The following DPP10 variants were observed in gnomAD, a reference collection of about 807,000 sequenced individuals.
DPP10 encodes inactive dipeptidyl peptidase 10.
A neutral mutation model predicts 120.9 loss-of-function variants in DPP10; 33 were observed. The observed-to-expected ratio is 0.27, with a 90% confidence interval of 0.21 to 0.37. DPP10 has a LOEUF of 0.37. Among genes scored for constraint, DPP10 ranks in the 10% least tolerant of loss-of-function variants. The pLI, the probability that DPP10 is intolerant of heterozygous loss-of-function variation, is 1.00. For synonymous variants in DPP10, 337 were observed against 326.1 expected, an observed-to-expected ratio of 1.03 and a Z score of -0.36; for missense variants, 816 against 942.8, an observed-to-expected ratio of 0.87 and a Z score of 1.76.
intron 1 of DPP10, among the ~76,000 whole-genome samples, chr2:115,303,789 A>G (rs995292426): frequency 2.0e-5 from 3 of 151,828 alleles, no homozygotes; most frequent in Non-Finnish European, 2.9e-5. Context: ...ACCTTAACAC[A>G]CTCCAGTACA....
chr2:115,689,658 G>C, intron 5 of DPP10, 29 bp from the exon 6 acceptor site: 1 of 1,351,736 alleles, frequency 7.4e-7, no homozygotes, highest in Admixed American at 2.2e-5. Flanking sequence ...ATAAAGCTAT[G>C]ATCAATAATG....
intron 1 of DPP10, among the ~76,000 whole-genome samples, chr2:115,262,257 T>G (rs1353219170): frequency 5.9e-5 from 9 of 152,152 alleles, no homozygotes; most frequent in Non-Finnish European, 1.3e-4. Flanking sequence ...CTGAGAAATT[T>G]GGTGTAACAC....
intron 1 of DPP10, among the ~76,000 whole-genome samples, chr2:115,024,325 G>A (rs866080687): frequency 6.6e-6 from 1 of 151,762 alleles, no homozygotes; most frequent in Non-Finnish European, 1.5e-5. Context: ...ATATTGATAC[G>A]GTTGCTGTTT....
chr2:115,777,146 G>T, intron 13 of DPP10, 62 bp from the exon 14 acceptor site: 2 of 1,458,478 alleles, frequency 1.4e-6, no homozygotes, highest in Non-Finnish European at 9.6e-7. Flanking sequence ...TGGTACATTC[G>T]TGTTTACCAG....
At chr2:115,565,633 C>A (rs2149067923) in intron 5 of DPP10, among the ~76,000 whole-genome samples, 1 of 151,962 alleles carries the variant, frequency 6.6e-6, no homozygotes, top group East Asian at 1.9e-4. Flanking sequence ...TAGAATATTT[C>A]CATAATCTTT....
At chr2:115,459,209 T>C (rs1558692263) in intron 3 of DPP10, among the ~76,000 whole-genome samples, 1 of 151,672 alleles carries the variant, frequency 6.6e-6, no homozygotes, top group Non-Finnish European at 1.5e-5. Context: ...CAGGCTGGAG[T>C]GCAGTGGCAC....
chr2:115,384,636 A>AAAGAAGGAAGAAG (rs747863548), intron 3 of DPP10, among the ~76,000 whole-genome samples: 3 of 150,190 alleles, frequency 2.0e-5, no homozygotes, highest in Admixed American at 6.6e-5. Flanking sequence ...GAGGAAGAAG[A>AAAGAAGGAAGAAG]AAGAAGGAAG....
At chr2:114,819,378 T>C (rs1444868738) in intron 1 of DPP10, among the ~76,000 whole-genome samples, 1 of 152,164 alleles carries the variant, frequency 6.6e-6, no homozygotes, top group Non-Finnish European at 1.5e-5. Flanking sequence ...TTCTCATCTC[T>C]AAAATGAGGG....
chr2:115,637,765 C>G (rs2086465391), intron 5 of DPP10, among the ~76,000 whole-genome samples: 1 of 152,132 alleles, frequency 6.6e-6, no homozygotes, highest in Admixed American at 6.6e-5. Flanking sequence ...TGGGGGGAAG[C>G]CTACACACAG....
intron 1 of DPP10, among the ~76,000 whole-genome samples, chr2:114,499,401 G>A (rs1423540153): frequency 6.6e-6 from 1 of 152,150 alleles, no homozygotes; most frequent in Non-Finnish European, 1.5e-5. Context: ...ACGTCAGTTG[G>A]CCTCTTTGAA....
intron 5 of DPP10, among the ~76,000 whole-genome samples, chr2:115,663,012 A>G (rs903002837): frequency 3.3e-5 from 5 of 151,510 alleles, no homozygotes; most frequent in African/African-American, 1.2e-4. Flanking sequence ...TTTTTTTACA[A>G]TTTTTGTGGG....
intron 3 of DPP10, among the ~76,000 whole-genome samples, chr2:115,484,118 A>AT (rs1259112126): frequency 2.1e-3 from 191 of 91,598 alleles, no homozygotes; most frequent in African/African-American, 5.7e-3. Context: ...TCACAGACTC[A>AT]TTTTTTTTTG....
intron 1 of DPP10, among the ~76,000 whole-genome samples, chr2:114,733,366 G>A (rs1677105969): frequency 6.6e-6 from 1 of 152,082 alleles, no homozygotes; most frequent in Non-Finnish European, 1.5e-5. Context: ...ATCTTTGGCT[G>A]GGAATGGTGG....
intron 3 of DPP10, among the ~76,000 whole-genome samples, chr2:115,358,070 G>A (rs1021984138): frequency 1.6e-4 from 25 of 152,056 alleles, no homozygotes; most frequent in Non-Finnish European, 2.9e-5. Flanking sequence ...ACATGCCCTG[G>A]AGACATTTTT....
In DPP10 at chr2:114,521,609, A is replaced by G. The variant is rs1225386569; in HGVS notation, c.60+78771A>G. ...GTTAAAATAACATCTCCTGAAATCA[A>G]CTAAAACCAGAATCTTAATGTTAAA... On this transcript the variant is annotated intron_variant, in intron 1 of 25. Transcript: ENST00000410059. 2.6e-5 allele frequency among the ~76,000 whole-genome samples: 4 copies of G among 152,238 alleles called. No homozygotes were observed. In the East Asian group the frequency reaches 7.7e-4, roughly 29 times the overall value.
At chr2:115,628,866 G>A (rs1228067954) in intron 5 of DPP10, among the ~76,000 whole-genome samples, 1 of 151,652 alleles carries the variant, frequency 6.6e-6, no homozygotes, top group Non-Finnish European at 1.5e-5. Context: ...TGCACAACGT[G>A]CAGGTTTGTT....
intron 3 of DPP10, among the ~76,000 whole-genome samples, chr2:115,459,169 T>G (rs1490218777): frequency 6.6e-6 from 1 of 152,122 alleles, no homozygotes; most frequent in Non-Finnish European, 1.5e-5. Flanking sequence ...GATTTTTTTT[T>G]TTTTTTAGTC....
intron 3 of DPP10, among the ~76,000 whole-genome samples, chr2:115,415,579 G>T (rs1433476424): frequency 6.6e-6 from 1 of 151,952 alleles, no homozygotes; most frequent in Non-Finnish European, 1.5e-5. Flanking sequence ...AGTGCACAAG[G>T]TTAGAAACTT....
At chr2:115,630,896 A>G (rs1165606855) in intron 5 of DPP10, among the ~76,000 whole-genome samples, 1 of 152,160 alleles carries the variant, frequency 6.6e-6, no homozygotes, top group Admixed American at 6.6e-5. Flanking sequence ...AGGTTTTGGT[A>G]TCAGGATGAT....
Sources: allele counts gnomAD v4.1 joint callset (sites outside exome capture counted in the v4.1 genomes callset), GRCh38; gene constraint gnomAD v4.1.1; transcripts MANE v1.5; gene names NCBI Gene and HGNC (gene_info 2026-07-23, HGNC 2026-07-21).